PRDM9: variants seen among roughly 807,000 people sequenced by gnomAD.
The protein encoded by PRDM9 is histone-lysine N-methyltransferase PRDM9.
A neutral mutation model predicts 55.6 loss-of-function variants in PRDM9; 47 were observed. The observed-to-expected ratio is 0.85, with a 90% CI of 0.67 to 1.08. The LOEUF is 1.08. Among genes scored for constraint, PRDM9 ranks in the 50% least tolerant of loss-of-function variants. The probability of loss-of-function intolerance (pLI) is 0.00; values close to 1 mark genes in which losing one functional copy is unlikely to be tolerated. For missense variants in PRDM9, 867 were observed against 1,040.3 expected (o/e 0.83, Z 2.29); for synonymous variants, 312 against 375.7 (o/e 0.83, Z 1.96).
chr5:23,520,364 C>CAAAAAA (rs59333354), intron 5 of PRDM9, among the ~76,000 whole-genome samples: 1 of 44,564 alleles, frequency 2.2e-5, no homozygotes, highest in Admixed American at 2.4e-4. Context: ...GACTCCTTCT[C>CAAAAAA]AAAAAAAAAA....
intron 5 of PRDM9, 150 bp from the exon 6 acceptor site, chr5:23,520,873 G>C: frequency 1.1e-6 from 1 of 902,094 alleles, no homozygotes; most frequent in Non-Finnish European, 1.7e-6. Flanking sequence ...TACTCACTTA[G>C]ACCTTCTCTT....
chr5:23,516,594 G>A (rs1011124790), intron 4 of PRDM9, among the ~76,000 whole-genome samples: 6 of 151,452 alleles, frequency 4.0e-5, no homozygotes, highest in East Asian at 2.0e-4. Context: ...GGATGGTCTC[G>A]ATCTCCTGAC....
chr5:23,523,421 T>C, intron 9 of PRDM9, 63 bp downstream of exon 9: 1 of 1,517,986 alleles, frequency 6.6e-7, no homozygotes, highest in Admixed American at 1.7e-5. Context: ...CTGGATTTCC[T>C]TCCTTATCAT....
intron 5 of PRDM9, among the ~76,000 whole-genome samples, chr5:23,520,051 T>TA (rs34096414): frequency 0.96 from 136,272 of 141,868 alleles, 65,447 homozygotes; most frequent in Admixed American, 0.98. Flanking sequence ...CTCAAAAAAA[T>TA]AAAAAAAAAA....
chr5:23,526,665 A>G lies in PRDM9; in HGVS notation c.1577A>G (p.Tyr526Cys), dbSNP rs763283811. ...VGISRIAKVK[Y>C]GECGQGFSVK... ...ATCTCAAGAATTGCAAAAGTCAAGT[A>G]TGGAGAGTGTGGACAAGGTTTCAGT... Residue 526 changes from tyrosine (Y) to cysteine (C), a missense_variant, in exon 11 of 11, where the codon TAT becomes TGT. This residue lies in a region of PRDM9 where 662 missense variants were observed against 711.9 expected (regional missense o/e 0.93). Coordinates refer to ENST00000296682, the MANE Select transcript of PRDM9 (RefSeq NM_020227.4). The G allele has an allele frequency of 6.2e-7, 1 of 1,614,210 alleles. No individual in the cohort carries two copies. Among genetic ancestry groups the G allele is most frequent in the East Asian group, 2.2e-5 (1 of 44,886 alleles).
chr5:23,524,011 T>C (rs1165814819), intron 9 of PRDM9, among the ~76,000 whole-genome samples: 1 of 152,106 alleles, frequency 6.6e-6, no homozygotes, highest in East Asian at 1.9e-4. Flanking sequence ...ACAGAATTAA[T>C]TTAGAGTTTA....
In PRDM9 at chr5:23,527,129, A is replaced by T; in HGVS notation, c.2041A>T (p.Thr681Ser). Reference protein sequence around the residue: ...RGFSWQSVLLTHQRTHTGEKP... With the variant: ...RGFSWQSVLLSHQRTHTGEKP... ...CTTTAGCTGGCAGTCAGTCCTCCTC[A>T]CTCACCAGAGGACACACACAGGGGA... The change falls in exon 11 of 11, where the codon ACT (threonine) becomes TCT (serine). Residue 681 changes from threonine (T) to serine (S), a missense_variant. Thr to Ser is a moderately conservative substitution (Grantham distance 58). This residue lies in a region of PRDM9 where 92 missense variants were observed against 185.7 expected (regional missense o/e 0.50). Coordinates refer to ENST00000296682, the MANE Select transcript of PRDM9 (RefSeq NM_020227.4). 1 of 410,790 alleles carries T rather than the reference A, an allele frequency of 2.4e-6. No individual in the cohort carries two copies. The highest frequency in any genetic ancestry group is 4.3e-5 in the East Asian group (1 of 23,402). The allele number at this position is 410,790 out of a possible 1,614,324, so 25.4% of individuals were successfully genotyped here. A position where few individuals can be genotyped will look rare whatever the true frequency, so the allele number is the denominator to read the frequency against.
Position 23,527,900 on chromosome 5 carries a change from A to G in PRDM9, c.*127A>G, listed in dbSNP as rs1326036879. The G allele has an allele frequency of 2.5e-6, 3 of 1,187,840 alleles. No individual in the cohort carries two copies. Among genetic ancestry groups the G allele is most frequent in the African/African-American group, 3.1e-5 (2 of 65,408 alleles). The allele number at this position is 1,187,840 out of a possible 1,614,324, so 73.6% of individuals were successfully genotyped here. A position where few individuals can be genotyped will look rare whatever the true frequency, so the allele number is the denominator to read the frequency against. ...CTGACCCCTTATATTCCCCGAGAGT[A>G]TAAAGAGATCGGAAATAACTGATTA... On this transcript the variant is annotated 3_prime_UTR_variant, in exon 11 of 11. Transcript: ENST00000296682.
chr5:23,522,572 A>G (rs1230204112), intron 7 of PRDM9, 42 bp from the exon 8 acceptor site: 1 of 1,613,564 alleles, frequency 6.2e-7, no homozygotes, highest in African/African-American at 1.3e-5. Flanking sequence ...ATCAAGGAAC[A>G]TGCATTACAA....
Position 23,526,614 on chromosome 5 carries a change from C to T in PRDM9, c.1526C>T (p.Thr509Ile), listed in dbSNP as rs1405949228. 1 of 1,614,228 alleles carries T rather than the reference C, an allele frequency of 6.2e-7. No individual in the cohort carries two copies. Among genetic ancestry groups the T allele is most frequent in the Non-Finnish European group, 8.5e-7 (1 of 1,180,036 alleles). ...RTGQKVNPGN[T>I]GKLFVGVGIS... ...GGCCAGAAAGTGAATCCAGGGAACACAGGCAAATTATTTGTGGGGGTAGGA... is the reference window on the plus strand; with the variant it reads ...GGCCAGAAAGTGAATCCAGGGAACATAGGCAAATTATTTGTGGGGGTAGGA... The change falls in exon 11 of 11, where the codon ACA becomes ATA. Residue 509 changes from threonine (T) to isoleucine (I), a missense_variant. Coordinates refer to ENST00000296682, the MANE Select transcript of PRDM9 (RefSeq NM_020227.4).
rs1286753831 is a variant in PRDM9, at chr5:23,527,429, T to G, written c.2341T>G (p.Cys781Gly). The change falls in exon 11 of 11, where the codon TGT becomes GGT. Residue 781 changes from cysteine (C) to glycine (G), a missense_variant. By Grantham distance (159) the Cys-to-Gly change is radical. Transcript: ENST00000296682. Reference protein sequence around the residue: ...TGEKPYVCRECGRGFRDKSNL... With the variant: ...TGEKPYVCREGGRGFRDKSNL... The stretch of plus-strand genomic sequence containing the variant: ...GGAGAAGCCCTATGTCTGCAGGGAG[T>G]GTGGGCGGGGCTTTAGAGATAAGTC... 2 of 1,578,056 alleles carry G rather than the reference T, an allele frequency of 1.3e-6. No homozygotes were observed. The highest frequency in any genetic ancestry group is 1.8e-5 in the Admixed American group (1 of 55,532).
intron 9 of PRDM9, 82 bp downstream of exon 9, chr5:23,523,440 C>A: frequency 7.0e-7 from 1 of 1,419,228 alleles, no homozygotes; most frequent in Non-Finnish European, 1.0e-6. Flanking sequence ...ATTATGCCTC[C>A]CTCAATGATT....
intron 4 of PRDM9, among the ~76,000 whole-genome samples, chr5:23,515,680 T>A (rs1186068556): frequency 2.0e-5 from 3 of 152,246 alleles, no homozygotes; most frequent in Non-Finnish European, 4.4e-5. Context: ...TATTTTGAGT[T>A]AATTTTTATA....
intron 5 of PRDM9, 64 bp downstream of exon 5, chr5:23,517,994 G>A (rs1322434608): frequency 7.0e-7 from 1 of 1,430,316 alleles, no homozygotes; most frequent in Non-Finnish European, 9.9e-7. Context: ...CAGGTAAGAG[G>A]AGGAGAATGT....
rs200620999 is a variant in PRDM9, at chr5:23,509,991, G to A, written c.265G>A (p.Glu89Lys). ...QAIKLQVDDT[E>K]DSDEEWTPRQ... is the part of the protein sequence containing the mutation. Reference sequence around the variant, plus strand: ...CATCAAACTCCAGGTGGATGACACAGAAGATTCTGATGAAGAATGGACCCC... The same window carrying A: ...CATCAAACTCCAGGTGGATGACACAAAAGATTCTGATGAAGAATGGACCCC... Residue 89 changes from glutamate to lysine, a missense_variant, in exon 4 of 11, where the codon GAA (glutamate) becomes AAA (lysine). Glu to Lys is a moderately conservative substitution (Grantham distance 56, BLOSUM62 1). Transcript: ENST00000296682. 2.4e-5 allele frequency: 38 copies of A among 1,609,464 alleles called. No individual in the cohort carries two copies. The African/African-American group carries it at 4.3e-4, about 18-fold the overall frequency.
rs1284786785 is a variant in PRDM9 at position 23,522,415 on chromosome 5, A to G, written c.610+10A>G. On this transcript the variant is annotated intron_variant, in intron 7 of 10. Coordinates refer to ENST00000296682, the MANE Select transcript of PRDM9 (RefSeq NM_020227.4). ...GATGATGATTACCTCTGTAAGTGAC[A>G]CTTTTGGCCACTCACACAGCTTGCT... 1 of 1,607,390 alleles carries G rather than the reference A, an allele frequency of 6.2e-7. No individual in the cohort carries two copies. The highest frequency in any genetic ancestry group is 1.1e-5 in the South Asian group (1 of 90,924).
In PRDM9 at chr5:23,509,086, C is replaced by T; in HGVS notation, c.53C>T (p.Thr18Ile). ...EESPEEDTER[T>I]ERKPMVKDAF... ...AGCCCAGAAGAAGACACAGAGAGAACAGAGCGGAAGCCCATGGTGAGAAGT... is the reference window on the plus strand; with the variant it reads ...AGCCCAGAAGAAGACACAGAGAGAATAGAGCGGAAGCCCATGGTGAGAAGT... The change falls in exon 2 of 11, where the codon ACA becomes ATA. Residue 18 changes from threonine to isoleucine, a missense_variant. By Grantham distance (89) the Thr-to-Ile change is moderately conservative. Coordinates refer to ENST00000296682, the MANE Select transcript of PRDM9 (RefSeq NM_020227.4). 1 of 1,614,104 alleles carries T rather than the reference C, an allele frequency of 6.2e-7. No individual in the cohort carries two copies. Among genetic ancestry groups the T allele is most frequent in the African/African-American group, 1.3e-5 (1 of 75,050 alleles).
chr5:23,517,221 T>A (rs1739231147), intron 4 of PRDM9, among the ~76,000 whole-genome samples: 1 of 151,658 alleles, frequency 6.6e-6, no homozygotes, highest in African/African-American at 2.4e-5. Context: ...AGTGATTTCC[T>A]TCTATTCCTA....
rs201050539 is a variant in PRDM9 at position 23,510,627 on chromosome 5, GGATGATGAT to G, written c.301+635_301+643del. The stretch of plus-strand genomic sequence containing the variant: ...CCTGCCTTGGCCTCCCAAAGTGCTG[GGATGATGAT>G]GATGATGATGATGATGATGATGATG... On this transcript the variant is annotated intron_variant, in intron 4 of 10. Transcript: ENST00000296682. Among the ~76,000 whole-genome samples the G allele has an allele frequency of 8.7e-4, 124 of 142,882 alleles. 2 individuals are homozygous for G. The East Asian group carries it at 0.023, about 27-fold the overall frequency. 93.7% of individuals were successfully genotyped at this position (142,882 alleles called of 152,430 possible).
Sources: allele counts gnomAD v4.1 joint callset (sites outside exome capture counted in the v4.1 genomes callset), GRCh38; gene constraint gnomAD v4.1.1; regional missense constraint gnomAD v4.1.1; transcripts MANE v1.5; gene names NCBI Gene and HGNC (gene_info 2026-07-23, HGNC 2026-07-21).